The following MRE11 variants were observed in gnomAD, a reference collection of about 807,000 sequenced individuals.
MRE11 encodes the protein MRE11 double strand break repair nuclease.
In MRE11, 62 loss-of-function variants were observed where a neutral mutation model predicts 91.7. The ratio of observed to expected loss-of-function variants is 0.68; its 90% CI spans 0.55 to 0.84. MRE11 has a LOEUF of 0.84. Ranked by LOEUF, MRE11 falls within the 40% of genes least tolerant of loss-of-function variation. The pLI is 0.00. For missense variants in MRE11, 796 were observed against 852.9 expected (o/e 0.93, Z 0.83); for synonymous variants, 273 against 271.4 (o/e 1.01, Z -0.06).
intron 7 of MRE11, chr11:94,472,937 T>C (rs1003754232): frequency 6.6e-6 from 1 of 152,058 alleles, no homozygotes; most frequent in Non-Finnish European, 1.5e-5. Flanking sequence ...CAGTTAGTGA[T>C]AGGTGCTGTA....
chr11:94,502,181 T>G, the MRE11 span, among the ~76,000 whole-genome samples: 1 of 152,202 alleles, frequency 6.6e-6, no homozygotes, highest in African/African-American at 2.4e-5. Context: ...GAAATCAGGT[T>G]TATAGAACTT....
intron 19 of MRE11, among the ~76,000 whole-genome samples, chr11:94,427,345 C>T (rs926321580): frequency 6.6e-6 from 1 of 152,038 alleles, no homozygotes; most frequent in African/African-American, 2.4e-5. Context: ...ATCCAACATC[C>T]CTTCATGATA....
chr11:94,449,956 G>C (rs749525423), intron 14 of MRE11, among the ~76,000 whole-genome samples: 2 of 152,064 alleles, frequency 1.3e-5, no homozygotes, highest in Non-Finnish European at 2.9e-5. Flanking sequence ...CATATTTATT[G>C]CATTTTCTGC....
intron 9 of MRE11, among the ~76,000 whole-genome samples, chr11:94,468,837 C>CA (rs5793682): frequency 1 from 152,298 of 152,298 alleles, 76,149 homozygotes; most frequent in Non-Finnish European, 1. Flanking sequence ...TAAATGTAAA[C>CA]GCCACATGTG....
intron 16 of MRE11, among the ~76,000 whole-genome samples, chr11:94,445,530 G>T (rs1393405769): frequency 6.6e-6 from 1 of 152,020 alleles, no homozygotes; most frequent in African/African-American, 2.4e-5. Context: ...GGCTGGTCTC[G>T]ATCTCCTGAC....
chr11:94,425,409 A>G (rs570439979), intron 19 of MRE11, among the ~76,000 whole-genome samples: 39 of 152,346 alleles, frequency 2.6e-4, no homozygotes, highest in African/African-American at 8.7e-4. Context: ...TTAAGGACAT[A>G]GCTTAGAGAC....
intron 13 of MRE11, among the ~76,000 whole-genome samples, chr11:94,457,189 T>C (rs991799215): frequency 2.0e-5 from 3 of 152,174 alleles, no homozygotes; most frequent in Non-Finnish European, 2.9e-5. Flanking sequence ...TGAAATCCAA[T>C]AAAAAACATG....
chr11:94,464,349 T>G (rs1401276554), intron 10 of MRE11, 110 bp from the exon 11 acceptor site: 31 of 1,420,190 alleles, frequency 2.2e-5, no homozygotes, highest in Non-Finnish European at 2.3e-5. Context: ...ACTTTGAAAT[T>G]TATGAATTAA....
chr11:94,463,505 A>G (rs544186350), intron 11 of MRE11, among the ~76,000 whole-genome samples: 24 of 152,360 alleles, frequency 1.6e-4, no homozygotes, highest in Non-Finnish European at 2.1e-4. Flanking sequence ...GGCACTATTC[A>G]CAATAGCAAA....
At chr11:94,446,145 C>T (rs934885450) in intron 15 of MRE11, among the ~76,000 whole-genome samples, 46 of 152,222 alleles carry the variant, frequency 3.0e-4, no homozygotes, top group Non-Finnish European at 2.8e-4. Context: ...TGGTAGCTCA[C>T]GCCTGTAATC....
Position 94,456,264 on chromosome 11 carries a change from C to A in MRE11, c.1563+12G>T. The A allele has an allele frequency of 1.2e-6, 2 of 1,612,386 alleles. No homozygotes were observed. Among genetic ancestry groups the A allele is most frequent in the South Asian group, 2.2e-5 (2 of 91,050 alleles). On this transcript the variant is annotated intron_variant, in intron 14 of 19. Coordinates refer to ENST00000323929, the MANE Select transcript of MRE11 (RefSeq NM_005591.4). ...GATATATAAACACAAGAATTTGCAG[C>A]AGAATAATTACCTCACGGACTTCAT...
At chr11:94,429,770 C>G (rs1260720932) in intron 19 of MRE11, 141 bp downstream of exon 19, 1 of 720,162 alleles carries the variant, frequency 1.4e-6, no homozygotes, top group African/African-American at 1.8e-5. Context: ...TCCCATGTAA[C>G]AAACCTGCAC....
Position 94,419,465 on chromosome 11 carries a change from G to GGAGAGA in MRE11, c.*654_*659dup, listed in dbSNP as rs201800515. 21,812 of 215,330 alleles carry GGAGAGA rather than the reference G, an allele frequency of 0.1. 847 individuals are homozygous for GGAGAGA. Among genetic ancestry groups the GGAGAGA allele is most frequent in the East Asian group, 0.16 (2,521 of 15,534 alleles). 13.3% of individuals were successfully genotyped at this position (215,330 alleles called of 1,614,324 possible). ...GAAGAGTGGGGAACGGGGGGGAGAGGGAGAGAGAGAGAGAGAGAGAGAGAG... is the reference window on the plus strand; with the variant it reads ...GAAGAGTGGGGAACGGGGGGGAGAGGGAGAGAGAGAGAGAGAGAGAGAGAGAGAGAG... On this transcript the variant is annotated 3_prime_UTR_variant, in exon 20 of 20. Transcript: ENST00000323929.
At chr11:94,423,157 CAAGA>C (rs1945218774) in intron 19 of MRE11, among the ~76,000 whole-genome samples, 2 of 152,154 alleles carry the variant, frequency 1.3e-5, no homozygotes, top group South Asian at 4.2e-4. Context: ...GAAAAAGCAC[CAAGA>C]GCTGATAGAG....
chr11:94,436,998 G>C (rs530213694), intron 17 of MRE11, among the ~76,000 whole-genome samples, 179 bp downstream of exon 17: 6 of 151,466 alleles, frequency 4.0e-5, no homozygotes, highest in Admixed American at 1.3e-4. Context: ...AAAAAAGAGA[G>C]CAACCAAGAA....
chr11:94,478,474 T>G (rs958925239), intron 6 of MRE11, among the ~76,000 whole-genome samples: 6 of 152,282 alleles, frequency 3.9e-5, no homozygotes, highest in African/African-American at 1.4e-4. Flanking sequence ...GATATCAAAG[T>G]GCAGTTTTGC....
intron 19 of MRE11, among the ~76,000 whole-genome samples, chr11:94,420,684 C>T (rs1298394515): frequency 6.6e-6 from 1 of 152,166 alleles, no homozygotes; most frequent in African/African-American, 2.4e-5. Context: ...CCTAGCAAAG[C>T]AAGCTTTCAA....
upstream of MRE11, among the ~76,000 whole-genome samples, chr11:94,495,324 A>C (rs186555894): frequency 3.9e-5 from 6 of 152,338 alleles, no homozygotes; most frequent in East Asian, 1.2e-3. Context: ...GTAATGCTAC[A>C]CATACTTCTT....
At position 94,480,744 on chromosome 11, in the gene MRE11, T is replaced by C. The variant is rs114002510; in HGVS notation, c.315-983A>G. 3.0e-3 allele frequency among the ~76,000 whole-genome samples: 461 copies of C among 152,320 alleles called. 2 individuals are homozygous for C. The highest frequency in any genetic ancestry group is 0.011 in the African/African-American group (442 of 41,580). ...CCTACCTCACTAACACAGTAGGTCA[T>C]CCAGCTCTTAAATCTATGCTAGCAG... On this transcript the variant is annotated intron_variant, in intron 4 of 19. Coordinates refer to ENST00000323929, the MANE Select transcript of MRE11 (RefSeq NM_005591.4).
Sources: gnomAD v4.1 joint callset for allele counts (sites outside exome capture counted in the v4.1 genomes callset) on GRCh38, gnomAD v4.1.1 for gene constraint, MANE v1.5 for transcripts, NCBI Gene and HGNC (gene_info 2026-07-23, HGNC 2026-07-21) for gene names.